XRCC4: variants seen among roughly 807,000 people sequenced by gnomAD.
XRCC4 encodes the protein DNA repair protein XRCC4.
XRCC4 carries 28 observed loss-of-function variants against 39.1 expected under a neutral mutation model. The ratio of observed to expected loss-of-function variants is 0.72; its 90% CI spans 0.53 to 0.98. XRCC4 has a LOEUF of 0.98. Among genes scored for constraint, XRCC4 ranks in the 50% least tolerant of loss-of-function variants. XRCC4 has a pLI of 0.00. For missense variants in XRCC4, 350 were observed against 376.4 expected (o/e 0.93, Z 0.58); for synonymous variants, 123 against 126.4 (o/e 0.97, Z 0.18).
chr5:83,278,636 T>C (rs1561450823), intron 7 of XRCC4, among the ~76,000 whole-genome samples: 1 of 152,208 alleles, frequency 6.6e-6, no homozygotes, highest in African/African-American at 2.4e-5. Flanking sequence ...GTACAAAAAA[T>C]AAATAAGTTA....
intron 7 of XRCC4, among the ~76,000 whole-genome samples, chr5:83,306,572 GC>G (rs1755495090): frequency 6.6e-6 from 1 of 152,104 alleles, no homozygotes; most frequent in African/African-American, 2.4e-5. Context: ...AATTTCATAA[GC>G]AAATGGAAAC....
At position 83,147,554 on chromosome 5, in the gene XRCC4, G is replaced by C. The variant is rs140869728; in HGVS notation, c.315+36351G>C. Reference sequence around the variant, plus strand: ...ATGATGGTTACCTGGGGTTGGGGGTGGGGTAGAAGGTGCTTGAAGAAATTT... The same window carrying C: ...ATGATGGTTACCTGGGGTTGGGGGTCGGGTAGAAGGTGCTTGAAGAAATTT... On this transcript the variant is annotated intron_variant, in intron 3 of 7. Coordinates refer to ENST00000396027, the MANE Select transcript of XRCC4 (RefSeq NM_003401.5). 6.9e-3 allele frequency among the ~76,000 whole-genome samples: 1,055 copies of C among 152,202 alleles called. 17 individuals carry two copies. In the Middle Eastern group the frequency reaches 0.092, roughly 13 times the overall value.
chr5:83,224,891 T>C (rs1448972619), intron 6 of XRCC4, among the ~76,000 whole-genome samples: 7 of 152,216 alleles, frequency 4.6e-5, no homozygotes, highest in Admixed American at 1.3e-4. Context: ...GCCACTTCTA[T>C]GAGCATCTTT....
intron 3 of XRCC4, among the ~76,000 whole-genome samples, chr5:83,120,474 A>G (rs183232263): frequency 4.7e-4 from 72 of 152,286 alleles, no homozygotes; most frequent in Non-Finnish European, 8.2e-4. Context: ...CCAGGCAGCC[A>G]TTGGGCTGCT....
downstream of XRCC4, chr5:83,353,836 T>G (rs1010948080): frequency 6.6e-6 from 1 of 152,206 alleles, no homozygotes; most frequent in African/African-American, 2.4e-5. Context: ...TAGAAACTGC[T>G]TATTAATGTA....
At chr5:83,373,790 T>C in the XRCC4 span, among the ~76,000 whole-genome samples, 2 of 152,226 alleles carry the variant, frequency 1.3e-5, no homozygotes, top group Non-Finnish European at 2.9e-5. Flanking sequence ...ACCCAAACTT[T>C]AAAGCATTGT....
chr5:83,266,757 G>A (rs903613199), intron 7 of XRCC4, among the ~76,000 whole-genome samples: 1 of 152,000 alleles, frequency 6.6e-6, no homozygotes, highest in African/African-American at 2.4e-5. Context: ...GATCAAATAT[G>A]TATATGTTAC....
intron 3 of XRCC4, among the ~76,000 whole-genome samples, chr5:83,147,317 A>G (rs1329790704): frequency 6.6e-6 from 1 of 152,194 alleles, no homozygotes; most frequent in Non-Finnish European, 1.5e-5. Flanking sequence ...ATCCATCAGT[A>G]GATGAATGGA....
chr5:83,155,120 T>C (rs1190136553), intron 3 of XRCC4, among the ~76,000 whole-genome samples: 2 of 152,294 alleles, frequency 1.3e-5, no homozygotes, highest in Admixed American at 6.5e-5. Context: ...ATATCTAATA[T>C]TGTAATAATC....
At chr5:83,116,543 C>A (rs10045104) in intron 3 of XRCC4, among the ~76,000 whole-genome samples, 1 of 150,296 alleles carries the variant, frequency 6.7e-6, no homozygotes, top group Admixed American at 6.7e-5. Flanking sequence ...TTCAAAAATA[C>A]CTGATATTTT....
At chr5:83,347,791 C>A (rs1244764928) in intron 7 of XRCC4, among the ~76,000 whole-genome samples, 1 of 152,152 alleles carries the variant, frequency 6.6e-6, no homozygotes, top group African/African-American at 2.4e-5. Flanking sequence ...AGTCCAAGGT[C>A]TCATGTGAGA....
intron 7 of XRCC4, among the ~76,000 whole-genome samples, chr5:83,292,884 AAAG>A (rs1220416033): frequency 3.3e-5 from 5 of 152,052 alleles, no homozygotes; most frequent in Non-Finnish European, 5.9e-5. Context: ...GTTTTTATGA[AAAG>A]AAGAAGTTAA....
At chr5:83,314,407 G>C (rs1755810426) in intron 7 of XRCC4, among the ~76,000 whole-genome samples, 1 of 152,094 alleles carries the variant, frequency 6.6e-6, no homozygotes, top group African/African-American at 2.4e-5. Flanking sequence ...ATCCATAATG[G>C]AAAGAAATAG....
intron 6 of XRCC4, among the ~76,000 whole-genome samples, chr5:83,245,512 TA>T (rs1332150967): frequency 2.0e-5 from 3 of 152,108 alleles, no homozygotes; most frequent in Non-Finnish European, 4.4e-5. Context: ...GTTATTGTCA[TA>T]TAAATGCATG....
chr5:83,196,727 A>G (rs979588171), intron 4 of XRCC4, among the ~76,000 whole-genome samples: 3 of 151,386 alleles, frequency 2.0e-5, no homozygotes, highest in Non-Finnish European at 4.4e-5. Flanking sequence ...TGTGGAATAT[A>G]TATATAATAA....
At chr5:83,183,795 G>A (rs28360116) in intron 3 of XRCC4, among the ~76,000 whole-genome samples, 2,282 of 152,110 alleles carry the variant, frequency 0.015, 28 homozygotes, top group Non-Finnish European at 0.022. Flanking sequence ...CATGGTTACC[G>A]TCTATCATAC....
chr5:83,255,841 C>T (rs527796274), intron 6 of XRCC4, among the ~76,000 whole-genome samples: 1 of 152,246 alleles, frequency 6.6e-6, no homozygotes, highest in South Asian at 2.1e-4. Context: ...CTTCAAACAA[C>T]CACAGTTGTT....
Position 83,299,289 on chromosome 5 carries a change from C to T in XRCC4, c.893+40612C>T, listed in dbSNP as rs771635290. Among the ~76,000 whole-genome samples, 7 of 152,226 alleles carry T rather than the reference C, an allele frequency of 4.6e-5. No individual in the cohort carries two copies. In the East Asian group the frequency reaches 7.7e-4, roughly 17 times the overall value. On this transcript the variant is annotated intron_variant, in intron 7 of 7. Transcript: ENST00000396027. Reference sequence around the variant, plus strand: ...AACAGTTTCACAATCACTCCTTTGGCGGTAATCCATCTTTTCTTACTGGCT... The same window carrying T: ...AACAGTTTCACAATCACTCCTTTGGTGGTAATCCATCTTTTCTTACTGGCT...
At chr5:83,098,408 CTTTG>C (rs1298492450) in intron 1 of XRCC4, among the ~76,000 whole-genome samples, 1 of 151,994 alleles carries the variant, frequency 6.6e-6, no homozygotes, top group East Asian at 1.9e-4. Context: ...GGTCTTGGGA[CTTTG>C]TTTGAAAATT....
Sources: allele counts gnomAD v4.1 joint callset (sites outside exome capture counted in the v4.1 genomes callset), GRCh38; gene constraint gnomAD v4.1.1; transcripts MANE v1.5; gene names NCBI Gene and HGNC (gene_info 2026-07-23, HGNC 2026-07-21).